SUMF1: variants seen among roughly 807,000 people sequenced by gnomAD.
SUMF1 encodes the protein sulfatase modifying factor 1.
Under a neutral mutation model 47.6 loss-of-function variants are expected in SUMF1, and 48 were observed. The ratio of observed to expected loss-of-function variants is 1.01; its 90% CI spans 0.80 to 1.28. The LOEUF (loss-of-function observed/expected upper bound fraction) is 1.28, where lower values mean the gene tolerates loss of function less well. SUMF1 is among the 50% of genes most tolerant of loss of function. The pLI is 0.00. For missense variants in SUMF1, 571 were observed against 485.4 expected (o/e 1.18, Z -1.66); for synonymous variants, 230 against 192.1 (o/e 1.20, Z -1.63).
At chr3:4,316,556 G>A in intron 8 of SUMF1, 1 of 1,556,224 alleles carries the variant, frequency 6.4e-7, no homozygotes, top group Non-Finnish European at 8.7e-7. Flanking sequence ...AGGTGAAAAA[G>A]CTCGATAAGT....
chr3:4,404,747 A>C (rs960628766), intron 7 of SUMF1, among the ~76,000 whole-genome samples: 3 of 152,202 alleles, frequency 2.0e-5, no homozygotes, highest in African/African-American at 7.2e-5. Context: ...CTGGGCAACA[A>C]GAACGAAACT....
chr3:4,182,662 T>C (rs1401783923), intron 8 of SUMF1, among the ~76,000 whole-genome samples: 1 of 152,116 alleles, frequency 6.6e-6, no homozygotes, highest in Non-Finnish European at 1.5e-5. Flanking sequence ...TGGTTTCTCA[T>C]GATTTTTATA....
At chr3:4,326,650 T>A (rs901236055) in intron 8 of SUMF1, among the ~76,000 whole-genome samples, 12 of 151,918 alleles carry the variant, frequency 7.9e-5, no homozygotes, top group Non-Finnish European at 1.3e-4. Flanking sequence ...CCTGAGTAGC[T>A]CGGACTACAG....
chr3:4,252,677 A>C (rs776486202), intron 8 of SUMF1, among the ~76,000 whole-genome samples: 8 of 152,152 alleles, frequency 5.3e-5, no homozygotes, highest in Non-Finnish European at 7.4e-5. Flanking sequence ...CTTTCTTCCC[A>C]ATGTGCTACA....
At chr3:4,073,598 A>G (rs576203607) in intron 8 of SUMF1, among the ~76,000 whole-genome samples, 210 of 152,326 alleles carry the variant, frequency 1.4e-3, no homozygotes, top group Non-Finnish European at 1.6e-3. Flanking sequence ...CCCATCTCAC[A>G]TGCAAAGACA....
chr3:4,174,571 A>G (rs568879464), intron 8 of SUMF1, among the ~76,000 whole-genome samples: 1 of 152,062 alleles, frequency 6.6e-6, no homozygotes, highest in African/African-American at 2.4e-5. Flanking sequence ...GGGGCGTTCC[A>G]AGATGGCCGA....
At chr3:4,244,026 C>T (rs141132153) in intron 8 of SUMF1, among the ~76,000 whole-genome samples, 39 of 152,220 alleles carry the variant, frequency 2.6e-4, no homozygotes, top group Middle Eastern at 3.4e-3. Context: ...CCTTCTTTAT[C>T]TCTTTTGATC....
intron 6 of SUMF1, chr3:4,414,873 A>G (rs1213579950): frequency 6.6e-6 from 1 of 152,242 alleles, no homozygotes; most frequent in Admixed American, 6.5e-5. Context: ...AAATATGCAT[A>G]ACTGTCCAAG....
At chr3:4,277,155 G>A (rs980325275) in intron 8 of SUMF1, among the ~76,000 whole-genome samples, 12 of 152,004 alleles carry the variant, frequency 7.9e-5, no homozygotes, top group Non-Finnish European at 1.5e-4. Flanking sequence ...CAAACTGAAC[G>A]TCTGTATTTT....
chr3:4,146,820 A>T (rs7634253), intron 8 of SUMF1, among the ~76,000 whole-genome samples: 5,738 of 152,026 alleles, frequency 0.038, 384 homozygotes, highest in African/African-American at 0.13. Flanking sequence ...GTTTGCTGAG[A>T]ATGATGGTTT....
intron 8 of SUMF1, among the ~76,000 whole-genome samples, chr3:4,129,507 C>T (rs935951806): frequency 6.6e-6 from 1 of 152,096 alleles, no homozygotes; most frequent in African/African-American, 2.4e-5. Flanking sequence ...CATGGCCCCT[C>T]AATCAATTTT....
intron 7 of SUMF1, among the ~76,000 whole-genome samples, chr3:4,384,909 G>T (rs1429142795): frequency 6.6e-6 from 1 of 151,000 alleles, no homozygotes; most frequent in Non-Finnish European, 1.5e-5. Flanking sequence ...TTTTTGAGAG[G>T]GTCTCTCGCT....
chr3:4,187,677 A>G (rs932847828), intron 8 of SUMF1, among the ~76,000 whole-genome samples: 9 of 152,276 alleles, frequency 5.9e-5, no homozygotes, highest in African/African-American at 1.9e-4. Context: ...ATTCTCACTA[A>G]CTACAGGTAG....
intron 6 of SUMF1, among the ~76,000 whole-genome samples, chr3:4,411,438 C>G (rs17040650): frequency 0.048 from 7,231 of 152,206 alleles, 296 homozygotes; most frequent in East Asian, 0.26. Flanking sequence ...GCTCTGTCCT[C>G]TCCACAAGTT....
chr3:4,271,617 T>G (rs1391126516), intron 8 of SUMF1, among the ~76,000 whole-genome samples: 2 of 152,118 alleles, frequency 1.3e-5, no homozygotes, highest in Non-Finnish European at 2.9e-5. Flanking sequence ...TTCTCCCGCC[T>G]CAGTCTCCCA....
At chr3:4,456,942 G>GTGTA (rs1553589415) in intron 1 of SUMF1, among the ~76,000 whole-genome samples, 6 of 116,114 alleles carry the variant, frequency 5.2e-5, no homozygotes, top group African/African-American at 2.0e-4. Context: ...ATACGTGTGT[G>GTGTA]TACATATATA....
chr3:4,246,655 A>C (rs111385127), intron 8 of SUMF1, among the ~76,000 whole-genome samples: 76 of 152,166 alleles, frequency 5.0e-4, no homozygotes, highest in Non-Finnish European at 8.8e-4. Context: ...CTGCCTCAGC[A>C]TCCCAAAGTG....
chr3:4,342,891 T>C (rs182148047), intron 8 of SUMF1, among the ~76,000 whole-genome samples: 48 of 152,340 alleles, frequency 3.2e-4, no homozygotes, highest in African/African-American at 1.1e-3. Flanking sequence ...CTCTTTCCTC[T>C]TTCTCCTACA....
chr3:4,207,688 A>G (rs1351987245), intron 8 of SUMF1, among the ~76,000 whole-genome samples: 6 of 151,926 alleles, frequency 3.9e-5, no homozygotes, highest in Non-Finnish European at 1.5e-5. Context: ...ACAAACAAAA[A>G]ACTAAACAAA....
Sources: allele counts gnomAD v4.1 joint callset (sites outside exome capture counted in the v4.1 genomes callset), GRCh38; gene constraint gnomAD v4.1.1; transcripts MANE v1.5; gene names NCBI Gene and HGNC (gene_info 2026-07-23, HGNC 2026-07-21).